The following SP100 variants were observed in gnomAD, a reference collection of about 807,000 sequenced individuals.
SP100 encodes the protein SP100 nuclear body protein.
Under a neutral mutation model 130.0 loss-of-function variants are expected in SP100, and 84 were observed. The ratio of observed to expected loss-of-function variants is 0.65; its 90% CI spans 0.54 to 0.77. The LOEUF is 0.77. Among genes scored for constraint, SP100 ranks in the 30% least tolerant of loss-of-function variants. SP100 has a pLI of 0.00. For synonymous variants in SP100, 331 were observed against 351.7 expected, an observed-to-expected ratio of 0.94 and a Z score of 0.66; for missense variants, 978 against 1,052.2, an observed-to-expected ratio of 0.93 and a Z score of 0.97.
chr2:230,531,640 A>T (rs899828633), intron 24 of SP100, among the ~76,000 whole-genome samples: 2 of 152,156 alleles, frequency 1.3e-5, no homozygotes, highest in African/African-American at 4.8e-5. Flanking sequence ...ATGAAGCCAG[A>T]TGTAGTGTGG....
chr2:230,438,644 TATATACAC>T (rs1009927724), intron 2 of SP100, among the ~76,000 whole-genome samples: 4 of 100,664 alleles, frequency 4.0e-5, no homozygotes, highest in African/African-American at 1.4e-4. Flanking sequence ...ATGGTGTATA[TATATACAC>T]ACACACACAC....
intron 7 of SP100, 61 bp from the exon 8 acceptor site, chr2:230,450,111 A>C: frequency 1.6e-6 from 2 of 1,245,790 alleles, no homozygotes; most frequent in East Asian, 2.3e-5. Flanking sequence ...GGTCTAACCA[A>C]ATGGAAACAG....
chr2:230,516,349 T>C (rs1358681373), intron 24 of SP100: 2 of 153,420 alleles, frequency 1.3e-5, no homozygotes, highest in Admixed American at 1.3e-4. Context: ...CAAATTCATG[T>C]AGAGAGAGAA....
At position 230,506,324 on chromosome 2, in the gene SP100, A is replaced by G. The variant is rs766399412; in HGVS notation, c.1892A>G (p.Gln631Arg). The change falls in exon 22 of 29, where the codon CAG becomes CGG. Residue 631 changes from glutamine (Q) to arginine (R), a missense_variant. Coordinates refer to ENST00000340126, the MANE Select transcript of SP100 (RefSeq NM_001080391.2). The stretch of plus-strand genomic sequence containing the variant: ...ACAGGAACCTCAAAGAAGTGTATAC[A>G]GAGTGAGGATAAAAAGTGGTTCACT... ...FKQGTSKKCI[Q>R]SEDKKWFTPR... is the part of the protein sequence containing the mutation. 1.6e-5 allele frequency: 26 copies of G among 1,613,832 alleles called. No individual in the cohort carries two copies. The highest frequency in any genetic ancestry group is 3.3e-5 in the Admixed American group (2 of 59,992).
chr2:230,501,892 G>C (rs1040464371), intron 19 of SP100, among the ~76,000 whole-genome samples: 1 of 152,108 alleles, frequency 6.6e-6, no homozygotes, highest in Admixed American at 6.5e-5. Flanking sequence ...TTTTTGAGAT[G>C]GAGTCTCGCT....
intron 15 of SP100, 55 bp from the exon 16 acceptor site, chr2:230,473,269 A>T: frequency 8.3e-7 from 1 of 1,211,374 alleles, no homozygotes; most frequent in Non-Finnish European, 1.2e-6. Flanking sequence ...GGGGGGAAGG[A>T]GAATCTTTGA....
At chr2:230,501,184 G>A (rs914425133) in intron 19 of SP100, among the ~76,000 whole-genome samples, 2 of 152,174 alleles carry the variant, frequency 1.3e-5, no homozygotes, top group African/African-American at 2.4e-5. Context: ...GGAGGTTGCA[G>A]CCAGCCGAGA....
At chr2:230,455,055 TTTTG>T (rs1338428118) in intron 8 of SP100, among the ~76,000 whole-genome samples, 1 of 152,086 alleles carries the variant, frequency 6.6e-6, no homozygotes, top group Non-Finnish European at 1.5e-5. Flanking sequence ...CTTTCTTTCT[TTTTG>T]TTTCTTTTGT....
At chr2:230,424,868 T>G (rs1348588378) in intron 2 of SP100, among the ~76,000 whole-genome samples, 2 of 151,618 alleles carry the variant, frequency 1.3e-5, no homozygotes, top group Non-Finnish European at 2.9e-5. Flanking sequence ...AGCCCCTATT[T>G]GAAAACTTCA....
At chr2:230,491,850 G>A (rs1308414064) in intron 17 of SP100, among the ~76,000 whole-genome samples, 1 of 152,160 alleles carries the variant, frequency 6.6e-6, no homozygotes, top group Non-Finnish European at 1.5e-5. Flanking sequence ...TTAGGTTCTA[G>A]CCAATGGCAT....
chr2:230,429,495 T>C (rs949380663), intron 2 of SP100, among the ~76,000 whole-genome samples: 3 of 152,184 alleles, frequency 2.0e-5, no homozygotes, highest in Non-Finnish European at 4.4e-5. Flanking sequence ...TTCATTTCTC[T>C]CCCCAAATGT....
chr2:230,537,230 G>T (rs1691980597), intron 24 of SP100, among the ~76,000 whole-genome samples: 2 of 152,324 alleles, frequency 1.3e-5, no homozygotes, highest in African/African-American at 4.8e-5. Context: ...CTGCACTCCA[G>T]CCGAGGTGAC....
intron 5 of SP100, among the ~76,000 whole-genome samples, chr2:230,448,195 G>A (rs554507061): frequency 2.0e-4 from 31 of 152,200 alleles, no homozygotes; most frequent in African/African-American, 4.3e-4. Context: ...AGAGAAAGGC[G>A]GTCATGTAGA....
chr2:230,531,171 A>G (rs1296309318), intron 24 of SP100, among the ~76,000 whole-genome samples: 2 of 152,204 alleles, frequency 1.3e-5, no homozygotes, highest in African/African-American at 4.8e-5. Flanking sequence ...AACCAACCCA[A>G]ATGTCCATCA....
intron 14 of SP100, chr2:230,469,354 C>A: frequency 1.9e-6 from 1 of 514,852 alleles, no homozygotes; most frequent in Non-Finnish European, 3.7e-6. Flanking sequence ...AGAGGGGGTG[C>A]CCACACAGTC....
Position 230,544,879 on chromosome 2 carries a change from A to C in SP100, c.*1933A>C, listed in dbSNP as rs1692269640. Among the ~76,000 whole-genome samples, 1 of 152,234 alleles carries C rather than the reference A, an allele frequency of 6.6e-6. No homozygotes were observed. Among genetic ancestry groups the C allele is most frequent in the Non-Finnish European group, 1.5e-5 (1 of 68,040 alleles). On this transcript the variant is annotated 3_prime_UTR_variant, in exon 29 of 29. Transcript: ENST00000340126. ...TTAGAGACATGCAAATTAAAACTAC[A>C]ATGAGACACCATCTCACACCAGTCA...
chr2:230,539,574 T>C (rs1692083519), intron 25 of SP100, among the ~76,000 whole-genome samples, 192 bp downstream of exon 25: 1 of 152,190 alleles, frequency 6.6e-6, no homozygotes, highest in Admixed American at 6.5e-5. Flanking sequence ...AGCAGATTAA[T>C]GGGAAGCAAA....
chr2:230,506,556 C>T, intron 22 of SP100, 111 bp downstream of exon 22: 1 of 1,080,940 alleles, frequency 9.3e-7, no homozygotes, highest in Non-Finnish European at 1.3e-6. Flanking sequence ...CTTCCTCTGC[C>T]CAGGTCTCCA....
chr2:230,427,575 G>A (rs75725709), intron 2 of SP100, among the ~76,000 whole-genome samples: 2,875 of 152,214 alleles, frequency 0.019, 87 homozygotes, highest in African/African-American at 0.063. Context: ...TGATAGGTAA[G>A]AACTTACTAT....
Sources: allele counts gnomAD v4.1 joint callset (sites outside exome capture counted in the v4.1 genomes callset), GRCh38; gene constraint gnomAD v4.1.1; transcripts MANE v1.5; gene names NCBI Gene and HGNC (gene_info 2026-07-23, HGNC 2026-07-21).